SLC2A9: variants seen among roughly 807,000 people sequenced by gnomAD.
SLC2A9 encodes solute carrier family 2 member 9, also known as solute carrier family 2, facilitated glucose transporter member 9.
A neutral mutation model predicts 50.6 loss-of-function variants in SLC2A9; 39 were observed. That is an observed-to-expected ratio of 0.77 (90% CI 0.60 to 1.01). SLC2A9 has a LOEUF of 1.01. Among genes scored for constraint, SLC2A9 ranks in the 50% least tolerant of loss-of-function variants. SLC2A9 has a pLI of 0.00. For synonymous variants in SLC2A9, 324 were observed against 276.9 expected, an observed-to-expected ratio of 1.17 and a Z score of -1.69; for missense variants, 686 against 677.6, an observed-to-expected ratio of 1.01 and a Z score of -0.14.
intron 8 of SLC2A9, among the ~76,000 whole-genome samples, chr4:9,900,909 C>T (rs966131168): frequency 7.9e-5 from 12 of 152,160 alleles, no homozygotes; most frequent in Non-Finnish European, 1.5e-4. Context: ...CAATTACCTC[C>T]CACCGGTCCC....
intron 5 of SLC2A9, among the ~76,000 whole-genome samples, chr4:9,950,860 G>T (rs1396810745): frequency 2.0e-4 from 5 of 25,622 alleles, no homozygotes; most frequent in Admixed American, 5.7e-4. Flanking sequence ...GCCACTGCAC[G>T]CCAGCCTGGG....
At chr4:9,791,819 A>C (rs2108886403) in intron 3 of SLC2A9, among the ~76,000 whole-genome samples, 1 of 152,318 alleles carries the variant, frequency 6.6e-6, no homozygotes, top group Non-Finnish European at 1.5e-5. Flanking sequence ...TGTGAGCCAG[A>C]AGACCCAGCG....
chr4:9,802,861 G>T (rs1721637774), intron 3 of SLC2A9, among the ~76,000 whole-genome samples: 1 of 152,144 alleles, frequency 6.6e-6, no homozygotes, highest in African/African-American at 2.4e-5. Flanking sequence ...ACAGCGCCCG[G>T]CTGGGTAAAG....
chr4:9,778,645 C>G (rs144524718), downstream of SLC2A9, among the ~76,000 whole-genome samples: 1 of 152,130 alleles, frequency 6.6e-6, no homozygotes, highest in Non-Finnish European at 1.5e-5. Context: ...CTCCCTCCTC[C>G]GGCTTTTCAG....
rs150138281 is a variant in SLC2A9, at chr4:9,986,231, T to C, written c.411-438A>G. Among the ~76,000 whole-genome samples, 316 of 152,214 alleles carry C rather than the reference T, an allele frequency of 2.1e-3. 2 individuals carry two copies. The highest frequency in any genetic ancestry group is 7.1e-3 in the African/African-American group (293 of 41,546). On this transcript the variant is annotated intron_variant, in intron 3 of 11. Transcript: ENST00000264784. ...AAGGAAGACCTCTGAAGAAGGGGTG[T>C]TTCCCATGTGGTGCTGACACCTCAG...
intron 3 of SLC2A9, among the ~76,000 whole-genome samples, chr4:9,786,840 TC>T (rs1486931878): frequency 6.6e-6 from 1 of 152,180 alleles, no homozygotes; most frequent in Non-Finnish European, 1.5e-5. Flanking sequence ...TTTTTGGTTG[TC>T]ACAACTGGGT....
At chr4:10,019,529 A>C (rs911708117) in intron 1 of SLC2A9, among the ~76,000 whole-genome samples, 1 of 152,182 alleles carries the variant, frequency 6.6e-6, no homozygotes, top group Non-Finnish European at 1.5e-5. Context: ...ACAGGTGAGG[A>C]AAGAGGGGCA....
intron 10 of SLC2A9, among the ~76,000 whole-genome samples, chr4:9,846,752 G>A (rs1729059739): frequency 6.6e-6 from 1 of 152,080 alleles, no homozygotes; most frequent in South Asian, 2.1e-4. Flanking sequence ...AAGCTCAATT[G>A]TAATTTCATT....
At chr4:9,854,345 T>G (rs1730417048) in intron 10 of SLC2A9, among the ~76,000 whole-genome samples, 1 of 151,942 alleles carries the variant, frequency 6.6e-6, no homozygotes, top group Non-Finnish European at 1.5e-5. Flanking sequence ...CAGAGACTAT[T>G]ATGAACACTG....
In SLC2A9 at chr4:9,813,566, C is replaced by A. The variant is rs548696012; in HGVS notation, n.420+12854G>T. On this transcript the variant is annotated intron_variant and non_coding_transcript_variant, in intron 3 of 3. Transcript: ENST00000503280. ...ATTTGTTCAGTAAACATGTAAGGAG[C>A]ACTTATGAGGTGCCAGAAAAGTGGA... 9.2e-5 allele frequency among the ~76,000 whole-genome samples: 14 copies of A among 152,320 alleles called. 1 individual carries two copies. In the South Asian group the frequency reaches 2.9e-3, roughly 32 times the overall value.
At chr4:9,993,379 G>A (rs892195990) in intron 3 of SLC2A9, among the ~76,000 whole-genome samples, 1 of 152,186 alleles carries the variant, frequency 6.6e-6, no homozygotes, top group African/African-American at 2.4e-5. Flanking sequence ...AATGAGGTTG[G>A]TGATGGTGAA....
intron 10 of SLC2A9, among the ~76,000 whole-genome samples, chr4:9,873,799 G>A (rs1486227923): frequency 3.3e-5 from 5 of 152,224 alleles, no homozygotes; most frequent in Admixed American, 3.3e-4. Context: ...ACTGGTTGTT[G>A]TTTAATCCAT....
intron 3 of SLC2A9, among the ~76,000 whole-genome samples, chr4:9,810,764 T>C (rs1164370191): frequency 6.6e-6 from 1 of 152,224 alleles, no homozygotes; most frequent in Non-Finnish European, 1.5e-5. Flanking sequence ...CTTGGAGAGT[T>C]ATGCATTCAT....
At chr4:9,888,566 G>C (rs780031890) in intron 9 of SLC2A9, among the ~76,000 whole-genome samples, 7 of 152,066 alleles carry the variant, frequency 4.6e-5, no homozygotes. Flanking sequence ...TGAATCTGTG[G>C]GGGTGCCAGG....
At chr4:10,007,075 C>T (rs1035363984) in intron 2 of SLC2A9, among the ~76,000 whole-genome samples, 1 of 152,196 alleles carries the variant, frequency 6.6e-6, no homozygotes, top group African/African-American at 2.4e-5. Flanking sequence ...CCTTTGCTGA[C>T]TTAGCATTGT....
At chr4:9,955,739 T>C (rs1220906355) in intron 5 of SLC2A9, among the ~76,000 whole-genome samples, 1 of 152,032 alleles carries the variant, frequency 6.6e-6, no homozygotes, top group Non-Finnish European at 1.5e-5. Flanking sequence ...CCTGTATGGA[T>C]TTGCTGCCGC....
At chr4:10,017,344 G>C (rs1762790062) in intron 2 of SLC2A9, among the ~76,000 whole-genome samples, 1 of 152,192 alleles carries the variant, frequency 6.6e-6, no homozygotes, top group Non-Finnish European at 1.5e-5. Context: ...TCAAGATGAA[G>C]CAAGAGTCCA....
chr4:9,790,448 G>A (rs1386663752), intron 3 of SLC2A9, among the ~76,000 whole-genome samples: 1 of 152,190 alleles, frequency 6.6e-6, no homozygotes, highest in Non-Finnish European at 1.5e-5. Context: ...AGTATGGCTT[G>A]TAGGGGCTAA....
intron 6 of SLC2A9, among the ~76,000 whole-genome samples, chr4:9,933,216 G>A (rs1746454915): frequency 6.6e-6 from 1 of 152,236 alleles, no homozygotes; most frequent in Non-Finnish European, 1.5e-5. Flanking sequence ...GAGAGTAGCT[G>A]AACTCAGCCT....
Sources: gnomAD v4.1 joint callset for allele counts (sites outside exome capture counted in the v4.1 genomes callset) on GRCh38, gnomAD v4.1.1 for gene constraint, MANE v1.5 for transcripts, NCBI Gene and HGNC (gene_info 2026-07-23, HGNC 2026-07-21) for gene names.